Variants in ECPAS observed in about 807,000 individuals in gnomAD.
ECPAS encodes the protein proteasome adapter and scaffold protein ECM29.
Under a neutral mutation model 255.1 loss-of-function variants are expected in ECPAS, and 70 were observed. That is an observed-to-expected ratio of 0.27 (90% CI 0.23 to 0.33). The LOEUF (loss-of-function observed/expected upper bound fraction) is 0.33. ECPAS is among the 10% of genes least tolerant of loss of function. ECPAS has a pLI of 1.00. For missense variants in ECPAS, 1,817 were observed against 2,206.4 expected (o/e 0.82, Z 3.54); for synonymous variants, 784 against 775.0 (o/e 1.01, Z -0.19).
Position 111,361,587 on chromosome 9 carries a change from CAGAA to C in ECPAS, c.*439_*442del, listed in dbSNP as rs1335972959. ...TGGGTTCTGACTTTGGCACAGGCCT[CAGAA>C]AGCCTCTGAGATGACACAGCTTCCT... On this transcript the variant is annotated 3_prime_UTR_variant, in exon 50 of 50. Coordinates refer to ENST00000684092, the MANE Select transcript of ECPAS (RefSeq NM_001364929.1). The C allele has an allele frequency of 6.5e-6, 1 of 152,740 alleles. No homozygotes were observed. The highest frequency in any genetic ancestry group is 1.5e-5 in the Non-Finnish European group (1 of 68,476). 9.5% of individuals were successfully genotyped at this position (152,740 alleles called of 1,614,324 possible). A position where few individuals can be genotyped will look rare whatever the true frequency, so the allele number is the denominator to read the frequency against.
At chr9:111,409,497 G>C (rs2098190609) in intron 23 of ECPAS, among the ~76,000 whole-genome samples, 1 of 151,944 alleles carries the variant, frequency 6.6e-6, no homozygotes, top group Middle Eastern at 3.2e-3. Context: ...CTGGGAGGTG[G>C]AGGTTGCAGT....
chr9:111,407,507 T>G (rs930316580), intron 24 of ECPAS, among the ~76,000 whole-genome samples: 9 of 149,518 alleles, frequency 6.0e-5, no homozygotes, highest in Admixed American at 2.7e-4. Context: ...TATCATAAGT[T>G]TCTCTCCAAG....
Position 111,375,217 on chromosome 9 carries a change from C to G in ECPAS, c.4021-15G>C. 1 of 1,606,822 alleles carries G rather than the reference C, an allele frequency of 6.2e-7. No homozygotes were observed. Among genetic ancestry groups the G allele is most frequent in the Non-Finnish European group, 8.5e-7 (1 of 1,173,770 alleles). ...TATTGCAGGCACTTTTGAAAAAGGA[C>G]AAATATAAAGGTAAGCCTTGGCAAA... On this transcript the variant is annotated splice_polypyrimidine_tract_variant and intron_variant, in intron 37 of 49. Transcript: ENST00000684092.
intron 1 of ECPAS, among the ~76,000 whole-genome samples, chr9:111,479,001 T>C (rs1383218029): frequency 6.6e-6 from 1 of 152,148 alleles, no homozygotes; most frequent in Non-Finnish European, 1.5e-5. Flanking sequence ...CTGACTATGG[T>C]GCAAAGAGGT....
At chr9:111,384,263 G>A (rs1345066960) in intron 34 of ECPAS, among the ~76,000 whole-genome samples, 1 of 152,202 alleles carries the variant, frequency 6.6e-6, no homozygotes, top group Non-Finnish European at 1.5e-5. Context: ...CTTGATCTGA[G>A]TGATGTGCTC....
intron 46 of ECPAS, 124 bp from the exon 47 acceptor site, chr9:111,366,751 G>A: frequency 4.6e-6 from 3 of 653,388 alleles, no homozygotes; most frequent in African/African-American, 1.8e-5. Context: ...AGAGAAGGTG[G>A]GGAGGATAAG....
chr9:111,413,771 G>C, intron 20 of ECPAS, 124 bp downstream of exon 20: 1 of 503,060 alleles, frequency 2.0e-6, no homozygotes, highest in South Asian at 4.1e-5. Context: ...CTGATGATAA[G>C]AGAGTTTTCA....
intron 8 of ECPAS, among the ~76,000 whole-genome samples, chr9:111,431,047 A>C (rs772411607): frequency 3.3e-5 from 5 of 152,220 alleles, no homozygotes; most frequent in African/African-American, 4.8e-5. Context: ...AGTGATAAGG[A>C]AAGTGACAAA....
At chr9:111,414,058 T>A in intron 19 of ECPAS, 72 bp from the exon 20 acceptor site, 1 of 1,031,922 alleles carries the variant, frequency 9.7e-7, no homozygotes, top group East Asian at 2.7e-5. Context: ...TAAATTCCTT[T>A]AAAGTATAAG....
At chr9:111,408,791 G>A in intron 23 of ECPAS, 119 bp from the exon 24 acceptor site, 1 of 512,746 alleles carries the variant, frequency 2.0e-6, no homozygotes, top group Non-Finnish European at 3.4e-6. Flanking sequence ...CAACGCAAAA[G>A]TTTTTACAAA....
chr9:111,429,601 G>A (rs919777224), intron 9 of ECPAS, among the ~76,000 whole-genome samples: 1 of 152,228 alleles, frequency 6.6e-6, no homozygotes, highest in African/African-American at 2.4e-5. Context: ...TTTGGGGCTA[G>A]AATTCATAGG....
chr9:111,387,562 C>T (rs1164855154), intron 31 of ECPAS, among the ~76,000 whole-genome samples: 2 of 150,582 alleles, frequency 1.3e-5, no homozygotes, highest in Non-Finnish European at 2.9e-5. Context: ...TACTGAGGGA[C>T]ACTGTCTCAC....
intron 12 of ECPAS, 79 bp from the exon 13 acceptor site, chr9:111,423,327 C>CT: frequency 1.1e-6 from 1 of 950,614 alleles, no homozygotes; most frequent in Non-Finnish European, 1.6e-6. Flanking sequence ...ACAGTAAAAC[C>CT]TTTTCGCTGC....
chr9:111,438,103 C>A (rs1337520096), intron 6 of ECPAS, among the ~76,000 whole-genome samples: 1 of 151,798 alleles, frequency 6.6e-6, no homozygotes, highest in Non-Finnish European at 1.5e-5. Context: ...TATAAATGAC[C>A]CAAGTTCTCA....
At chr9:111,410,703 G>A (rs558359244) in intron 22 of ECPAS, among the ~76,000 whole-genome samples, 41 of 151,938 alleles carry the variant, frequency 2.7e-4, no homozygotes, top group Non-Finnish European at 5.4e-4. Context: ...TTTTTTTGTA[G>A]AGGCTAGGTC....
At chr9:111,441,043 T>G (rs2131898107) in intron 5 of ECPAS, among the ~76,000 whole-genome samples, 1 of 151,832 alleles carries the variant, frequency 6.6e-6, no homozygotes, top group Middle Eastern at 3.4e-3. Flanking sequence ...TCCTAGCTAC[T>G]TGGCAGGCTG....
intron 5 of ECPAS, 67 bp downstream of exon 5, chr9:111,442,239 A>C: frequency 9.8e-7 from 1 of 1,019,182 alleles, no homozygotes; most frequent in Non-Finnish European, 1.5e-6. Context: ...CAAATATGTG[A>C]ATTAATATTT....
chr9:111,458,015 C>T (rs2098268953), intron 2 of ECPAS, among the ~76,000 whole-genome samples: 1 of 152,096 alleles, frequency 6.6e-6, no homozygotes, highest in African/African-American at 2.4e-5. Flanking sequence ...CATATACATA[C>T]ACACATGAGA....
intron 24 of ECPAS, among the ~76,000 whole-genome samples, chr9:111,399,310 A>G (rs554868940): frequency 6.6e-6 from 1 of 152,372 alleles, no homozygotes; most frequent in African/African-American, 2.4e-5. Flanking sequence ...GAGACATCAC[A>G]GTACCTGGCT....
Sources: gnomAD v4.1 joint callset for allele counts (sites outside exome capture counted in the v4.1 genomes callset) on GRCh38, gnomAD v4.1.1 for gene constraint, MANE v1.5 for transcripts, NCBI Gene and HGNC (gene_info 2026-07-23, HGNC 2026-07-21) for gene names.